NXN: variants seen among roughly 807,000 people sequenced by gnomAD.
The protein encoded by NXN is nucleoredoxin 1.
A neutral mutation model predicts 48.6 loss-of-function variants in NXN; 16 were observed. The observed-to-expected ratio is 0.33, with a 90% confidence interval of 0.22 to 0.50. The LOEUF is 0.50. NXN is among the 20% of genes least tolerant of loss of function. The pLI is 0.98. For missense variants in NXN, 492 were observed against 605.5 expected (o/e 0.81, Z 1.97); for synonymous variants, 281 against 269.6 (o/e 1.04, Z -0.41).
chr17:861,886 G>A (rs1244785487), intron 1 of NXN, among the ~76,000 whole-genome samples: 1 of 151,828 alleles, frequency 6.6e-6, no homozygotes, highest in Non-Finnish European at 1.5e-5. Context: ...CTGGAGTGCA[G>A]TGGCATGATC....
At chr17:970,902 G>A (rs548924697) in intron 1 of NXN, among the ~76,000 whole-genome samples, 1 of 151,130 alleles carries the variant, frequency 6.6e-6, no homozygotes, top group South Asian at 2.1e-4. Context: ...TGCAAACAAT[G>A]AAATATTAAA....
At chr17:888,921 C>T (rs2068378099) in intron 1 of NXN, among the ~76,000 whole-genome samples, 1 of 148,538 alleles carries the variant, frequency 6.7e-6, no homozygotes, top group South Asian at 2.1e-4. Context: ...CACCACTGCA[C>T]TCCAGCCTGG....
chr17:918,352 G>T (rs62070218), intron 1 of NXN, among the ~76,000 whole-genome samples: 3 of 146,444 alleles, frequency 2.0e-5, no homozygotes, highest in Non-Finnish European at 4.4e-5. Context: ...TGGGAGGAGC[G>T]CACGATCCAT....
intron 1 of NXN, among the ~76,000 whole-genome samples, chr17:833,761 T>C (rs1913628247): frequency 6.6e-6 from 1 of 152,162 alleles, no homozygotes; most frequent in African/African-American, 2.4e-5. Context: ...TCAGTGCACG[T>C]CTTGACCTTG....
intron 1 of NXN, among the ~76,000 whole-genome samples, chr17:911,767 A>ATT (rs71371591): frequency 5.6e-5 from 8 of 142,520 alleles, no homozygotes; most frequent in African/African-American, 1.3e-4. Context: ...GGCCCGGCCA[A>ATT]TTTTTTTTTT....
intron 1 of NXN, among the ~76,000 whole-genome samples, chr17:892,171 C>T (rs2068429954): frequency 6.8e-6 from 1 of 148,142 alleles, no homozygotes; most frequent in Admixed American, 6.7e-5. Context: ...ACTAAGCTAA[C>T]CCCACCATGT....
intron 1 of NXN, among the ~76,000 whole-genome samples, chr17:941,480 A>T (rs1464002129): frequency 5.5e-5 from 7 of 126,390 alleles, no homozygotes; most frequent in African/African-American, 1.6e-4. Context: ...TACAGTGAAC[A>T]AGATTCCAGG....
intron 1 of NXN, among the ~76,000 whole-genome samples, chr17:864,682 C>A (rs1455742861): frequency 6.6e-6 from 1 of 152,202 alleles, no homozygotes; most frequent in Admixed American, 6.5e-5. Flanking sequence ...CCTTTCCAAC[C>A]TGATTATAAG....
At chr17:882,530 A>C (rs1436319808) in intron 1 of NXN, among the ~76,000 whole-genome samples, 1 of 152,000 alleles carries the variant, frequency 6.6e-6, no homozygotes, top group African/African-American at 2.4e-5. Flanking sequence ...CAGTGGCGCA[A>C]TCTCGGCTCA....
chr17:884,938 G>A (rs535488829), intron 1 of NXN, among the ~76,000 whole-genome samples: 121 of 152,318 alleles, frequency 7.9e-4, no homozygotes, highest in African/African-American at 2.5e-3. Flanking sequence ...AACACTCAGC[G>A]GAGGACACAG....
At chr17:812,829 C>T (rs1912200332) in intron 5 of NXN, among the ~76,000 whole-genome samples, 1 of 127,248 alleles carries the variant, frequency 7.9e-6, no homozygotes, top group African/African-American at 3.1e-5. Context: ...TGCGAGTGTG[C>T]ATGTGTGAGT....
At chr17:957,564 G>A (rs545661168) in intron 1 of NXN, among the ~76,000 whole-genome samples, 71 of 151,426 alleles carry the variant, frequency 4.7e-4, no homozygotes, top group African/African-American at 1.7e-3. Context: ...CACGGGAGGT[G>A]TAGGTTGCAG....
At chr17:831,699 C>T (rs896329264) in intron 1 of NXN, among the ~76,000 whole-genome samples, 12 of 151,790 alleles carry the variant, frequency 7.9e-5, no homozygotes, top group Non-Finnish European at 1.6e-4. Flanking sequence ...CCGGATTCAC[C>T]CTGTTGGCCA....
intron 1 of NXN, among the ~76,000 whole-genome samples, chr17:901,831 T>G (rs1277837805): frequency 6.6e-6 from 1 of 152,050 alleles, no homozygotes; most frequent in African/African-American, 2.4e-5. Flanking sequence ...TCCTGAGTAG[T>G]TGGGATTACA....
intron 1 of NXN, among the ~76,000 whole-genome samples, 175 bp from the exon 2 acceptor site, chr17:826,253 C>T (rs1006117296): frequency 7.2e-5 from 11 of 152,040 alleles, no homozygotes; most frequent in African/African-American, 1.2e-4. Context: ...ACTACAATCC[C>T]ACTGCCCCCC....
At chr17:926,497 C>CT (rs1341393961) in intron 1 of NXN, among the ~76,000 whole-genome samples, 1 of 151,030 alleles carries the variant, frequency 6.6e-6, no homozygotes, top group African/African-American at 2.4e-5. Flanking sequence ...CCTCCCCTCT[C>CT]TTTTCTCTTT....
intron 1 of NXN, among the ~76,000 whole-genome samples, chr17:875,428 A>G (rs1209173723): frequency 1.3e-5 from 2 of 152,150 alleles, no homozygotes; most frequent in Admixed American, 1.3e-4. Flanking sequence ...GAGATAAGCC[A>G]CTCACTGAAG....
rs1398377070 is a variant in NXN at position 803,758 on chromosome 17, G to A, written c.1049C>T (p.Pro350Leu). 9 of 1,614,164 alleles carry A rather than the reference G, an allele frequency of 5.6e-6. No homozygotes were observed. The highest frequency in any genetic ancestry group is 4.0e-5 in the African/African-American group (3 of 75,052). Residue 350 changes from proline (P) to leucine (L), a missense_variant, in exon 7 of 8, where the codon CCG becomes CTG. By Grantham distance (98) the Pro-to-Leu change is moderately conservative. Coordinates refer to ENST00000336868, the MANE Select transcript of NXN (RefSeq NM_022463.5). ...CTTGGCAATGATTTTCTCAGCTATC[G>A]GCTGAATCAGCTGCTTGGCCGCCTC... The part of the protein sequence containing the change: ...ESEAAKQLIQ[P>L]IAEKIIAKYK...
rs577644950 is a variant in NXN at position 919,915 on chromosome 17, C to T, written c.360+59404G>A. ...GTATTCACTAACCCCCAGGCCATGG[C>T]GGAAAATGTACCTTCCATCTCTCTC... On this transcript the variant is annotated intron_variant, in intron 1 of 7. Coordinates refer to ENST00000336868, the MANE Select transcript of NXN (RefSeq NM_022463.5). The surrounding 1 kb of genome is among the most constrained non-coding windows in gnomAD (Gnocchi z 5.1). Among the ~76,000 whole-genome samples the T allele has an allele frequency of 2.6e-5, 4 of 152,112 alleles. No homozygotes were observed. The highest frequency in any genetic ancestry group is 2.0e-4 in the Admixed American group (3 of 15,254).
Sources: allele counts gnomAD v4.1 joint callset (sites outside exome capture counted in the v4.1 genomes callset), GRCh38; gene constraint gnomAD v4.1.1; non-coding constraint Gnocchi (gnomAD v3.1); transcripts MANE v1.5; gene names NCBI Gene and HGNC (gene_info 2026-07-23, HGNC 2026-07-21).